The following MPP7 variants were observed in gnomAD, a reference collection of about 807,000 sequenced individuals.
MPP7 encodes the protein MAGUK p55 scaffold protein 7, also known as MAGUK p55 subfamily member 7.
In MPP7, 60 loss-of-function variants were observed where a neutral mutation model predicts 76.5. The ratio of observed to expected loss-of-function variants is 0.78; its 90% CI spans 0.64 to 0.97. MPP7 has a LOEUF of 0.97. MPP7 is among the 50% of genes least tolerant of loss of function. The pLI is 0.00. For missense variants in MPP7, 641 were observed against 694.0 expected (o/e 0.92, Z 0.86); for synonymous variants, 237 against 244.5 (o/e 0.97, Z 0.29).
chr10:28,258,770 T>C (rs1839864619), intron 1 of MPP7, among the ~76,000 whole-genome samples: 1 of 152,114 alleles, frequency 6.6e-6, no homozygotes, highest in Non-Finnish European at 1.5e-5. Context: ...ATTACAGGTA[T>C]CCAAAGAACA....
intron 3 of MPP7, among the ~76,000 whole-genome samples, chr10:28,185,729 G>A (rs1004524487): frequency 6.6e-6 from 1 of 152,116 alleles, no homozygotes; most frequent in Non-Finnish European, 1.5e-5. Flanking sequence ...TACACAAAAA[G>A]TGTGCTCGTA....
intron 2 of MPP7, among the ~76,000 whole-genome samples, chr10:28,237,112 C>A (rs1839103219): frequency 6.6e-6 from 1 of 152,146 alleles, no homozygotes; most frequent in Non-Finnish European, 1.5e-5. Flanking sequence ...ACTATAAATA[C>A]TCCATTTTAA....
rs140494045 is a variant in MPP7, at chr10:28,174,539, T to C, written c.157-24480A>G. 3.2e-3 allele frequency among the ~76,000 whole-genome samples: 488 copies of C among 152,326 alleles called. 2 individuals are homozygous for C. Among genetic ancestry groups the C allele is most frequent in the African/African-American group, 0.011 (468 of 41,576 alleles). ...TCATCAAGAGCAGATGTTGGCACCATGCTTCTTGTACGGTCTGCAGAACTG... is the reference window on the plus strand; with the variant it reads ...TCATCAAGAGCAGATGTTGGCACCACGCTTCTTGTACGGTCTGCAGAACTG... On this transcript the variant is annotated intron_variant, in intron 3 of 16. Coordinates refer to ENST00000683449, the MANE Select transcript of MPP7 (RefSeq NM_001318170.2).
At chr10:28,205,397 T>C (rs1422484552) in intron 2 of MPP7, among the ~76,000 whole-genome samples, 3 of 152,102 alleles carry the variant, frequency 2.0e-5, no homozygotes, top group African/African-American at 7.2e-5. Context: ...ATCCAAATGG[T>C]TTGGGTCATG....
intron 1 of MPP7, among the ~76,000 whole-genome samples, chr10:28,286,821 CG>C (rs1840801034): frequency 6.6e-6 from 1 of 152,010 alleles, no homozygotes; most frequent in African/African-American, 2.4e-5. Context: ...AAAAAAAGGA[CG>C]GTTTCATATA....
Position 28,329,929 on chromosome 10 carries a change from C to T in MPP7, c.-132G>A, listed in dbSNP as rs562093036. On this transcript the variant is annotated splice_region_variant and 5_prime_UTR_variant, in exon 2 of 12. Coordinates refer to the MPP7 transcript ENST00000441595. ...ACTAAAATGCTCTAATGATAAATAC[C>T]TTTCTCCCTTCTCTTTATTGTGAGT... 4 of 152,246 alleles carry T rather than the reference C, an allele frequency of 2.6e-5. No homozygotes were observed. In the South Asian group the frequency reaches 8.3e-4, roughly 32 times the overall value. The allele number at this position is 152,246 out of a possible 1,614,324, so 9.4% of individuals were successfully genotyped here.
intron 8 of MPP7, among the ~76,000 whole-genome samples, chr10:28,122,005 G>A (rs1338438907): frequency 1.3e-5 from 2 of 152,222 alleles, no homozygotes; most frequent in Non-Finnish European, 2.9e-5. Context: ...AAGTAAAATG[G>A]GATTCTGATA....
intron 11 of MPP7, among the ~76,000 whole-genome samples, chr10:28,090,919 G>C (rs1036505915): frequency 6.6e-6 from 1 of 152,122 alleles, no homozygotes; most frequent in South Asian, 2.1e-4. Flanking sequence ...AAGGAAGGAG[G>C]GCAGATCGCT....
intron 4 of MPP7, 73 bp from the exon 5 acceptor site, chr10:28,147,636 G>A: frequency 7.8e-7 from 1 of 1,287,268 alleles, no homozygotes; most frequent in Non-Finnish European, 1.1e-6. Flanking sequence ...TGACAACTGA[G>A]AATCTAACTT....
Position 28,165,069 on chromosome 10 carries a change from G to A in MPP7, c.157-15010C>T, listed in dbSNP as rs552800844. 9.6e-4 allele frequency among the ~76,000 whole-genome samples: 146 copies of A among 152,090 alleles called. 1 individual carries two copies. Among genetic ancestry groups the A allele is most frequent in the Non-Finnish European group, 1.5e-3 (103 of 67,994 alleles). On this transcript the variant is annotated intron_variant, in intron 3 of 16. Coordinates refer to ENST00000683449, the MANE Select transcript of MPP7 (RefSeq NM_001318170.2). ...TTCTCTTCGCCTCACTAATACCTAT[G>A]GCTCCAAATGAACACAGAGATCCCA...
chr10:28,324,213 C>A (rs6481516), intron 2 of MPP7, among the ~76,000 whole-genome samples: 3 of 151,828 alleles, frequency 2.0e-5, no homozygotes, highest in African/African-American at 4.8e-5. Flanking sequence ...CAGAAAGCTC[C>A]CTGGCCCCTC....
chr10:28,274,613 T>C (rs145153047), intron 1 of MPP7, among the ~76,000 whole-genome samples: 11 of 152,312 alleles, frequency 7.2e-5, no homozygotes, highest in East Asian at 3.9e-4. Context: ...AAAAGATTTA[T>C]AGGGCAATCA....
intron 1 of MPP7, among the ~76,000 whole-genome samples, chr10:28,252,354 A>G (rs566744272): frequency 6.6e-6 from 1 of 152,346 alleles, no homozygotes; most frequent in South Asian, 2.1e-4. Context: ...ATTCCATAGT[A>G]GGGCATTCCC....
intron 11 of MPP7, among the ~76,000 whole-genome samples, chr10:28,098,412 A>C (rs1853666474): frequency 6.6e-6 from 1 of 151,934 alleles, no homozygotes; most frequent in Non-Finnish European, 1.5e-5. Flanking sequence ...TATAGAAGAA[A>C]ATATGTTTTT....
intron 2 of MPP7, among the ~76,000 whole-genome samples, chr10:28,218,420 T>C (rs1838385300): frequency 6.6e-6 from 1 of 152,184 alleles, no homozygotes; most frequent in Admixed American, 6.5e-5. Flanking sequence ...AAGAAAGAAA[T>C]GCAGCTTTAT....
At position 28,120,486 on chromosome 10, in the gene MPP7, A is replaced by T. The variant is rs895625601; in HGVS notation, c.691-96T>A. 2.0e-6 allele frequency: 3 copies of T among 1,488,344 alleles called. No individual in the cohort carries two copies. The African/African-American group carries it at 4.2e-5, about 21-fold the overall frequency. The allele number at this position is 1,488,344 out of a possible 1,614,324, so 92.2% of individuals were successfully genotyped here. ...CTCCGACTCCAAACATAGTAATTTT[A>T]AAACTGGAATATTGAAAGAAATGTG... On this transcript the variant is annotated intron_variant, in intron 9 of 16. Coordinates refer to ENST00000683449, the MANE Select transcript of MPP7 (RefSeq NM_001318170.2).
chr10:28,147,002 G>C (rs1013406353), intron 5 of MPP7, among the ~76,000 whole-genome samples: 3 of 152,152 alleles, frequency 2.0e-5, no homozygotes, highest in African/African-American at 7.2e-5. Context: ...TTTTACACTG[G>C]AAAAGTGCTC....
At chr10:28,265,916 G>A (rs1840135819) in intron 1 of MPP7, among the ~76,000 whole-genome samples, 2 of 152,116 alleles carry the variant, frequency 1.3e-5, no homozygotes, top group South Asian at 4.1e-4. Flanking sequence ...GTACTTACAT[G>A]CTAAGGGATT....
intron 1 of MPP7, among the ~76,000 whole-genome samples, chr10:28,275,818 GAC>G (rs1840477343): frequency 6.6e-6 from 1 of 151,652 alleles, no homozygotes; most frequent in Non-Finnish European, 1.5e-5. Flanking sequence ...CCAATCTCAC[GAC>G]AGAGCCATTA....
Sources: gnomAD v4.1 joint callset for allele counts (sites outside exome capture counted in the v4.1 genomes callset) on GRCh38, gnomAD v4.1.1 for gene constraint, MANE v1.5 for transcripts, NCBI Gene and HGNC (gene_info 2026-07-23, HGNC 2026-07-21) for gene names.